Variants in PCDHA9 observed in about 807,000 individuals in gnomAD.
PCDHA9 encodes the protein protocadherin alpha-9.
In PCDHA9, 62 loss-of-function variants were observed where a neutral mutation model predicts 62.0. The ratio of observed to expected loss-of-function variants is 1.00; its 90% CI spans 0.81 to 1.23. PCDHA9 has a LOEUF of 1.23. Among genes scored for constraint, PCDHA9 ranks in the 50% most tolerant of loss-of-function variants. The pLI, the probability that PCDHA9 is intolerant of heterozygous loss-of-function variation, is 0.00. For synonymous variants in PCDHA9, 557 were observed against 567.6 expected (o/e 0.98, Z 0.27); for missense variants, 1,205 against 1,249.8 (o/e 0.96, Z 0.54).
At chr5:140,860,697 ATTG>A (rs1191589465) in intron 1 of PCDHA9, 2 of 152,170 alleles carry the variant, frequency 1.3e-5, no homozygotes, top group African/African-American at 4.8e-5. Context: ...GCGACAGGAT[ATTG>A]TTGTTCTCCA....
At chr5:140,977,306 C>G (rs995052680) in intron 1 of PCDHA9, among the ~76,000 whole-genome samples, 22 of 152,268 alleles carry the variant, frequency 1.4e-4, no homozygotes, top group African/African-American at 4.8e-4. Context: ...GACAAGCTAA[C>G]GATAGTGCTC....
intron 1 of PCDHA9, chr5:140,869,196 C>G (rs2050913789): frequency 6.2e-7 from 1 of 1,614,030 alleles, no homozygotes; most frequent in Non-Finnish European, 8.5e-7. Flanking sequence ...GCGGCCAGCT[C>G]CACTACTCCG....
chr5:140,961,985 G>A (rs782724308), intron 1 of PCDHA9, among the ~76,000 whole-genome samples: 30 of 151,692 alleles, frequency 2.0e-4, no homozygotes, highest in Non-Finnish European at 4.0e-4. Context: ...CTGGGTTCAC[G>A]CCATTGTCCT....
intron 1 of PCDHA9, among the ~76,000 whole-genome samples, chr5:140,904,217 T>C (rs1554191375): frequency 6.6e-6 from 1 of 151,964 alleles, no homozygotes; most frequent in Non-Finnish European, 1.5e-5. Flanking sequence ...CCAAAGTCCA[T>C]TGTATTATAC....
chr5:140,870,764 T>A, intron 1 of PCDHA9: 1 of 1,613,600 alleles, frequency 6.2e-7, no homozygotes, highest in Non-Finnish European at 8.5e-7. Flanking sequence ...CAGGTGTTCG[T>A]GCTGGACGAG....
At chr5:141,009,463 A>C in intron 3 of PCDHA9, 164 bp from the exon 4 acceptor site, 1 of 954,884 alleles carries the variant, frequency 1.0e-6, no homozygotes, top group Non-Finnish European at 1.2e-6. Context: ...AAACAAATAA[A>C]TAAATAAGTA....
At chr5:140,890,066 C>G (rs1217511895) in intron 1 of PCDHA9, among the ~76,000 whole-genome samples, 1 of 152,148 alleles carries the variant, frequency 6.6e-6, no homozygotes, top group Non-Finnish European at 1.5e-5. Context: ...CTTTTACTGG[C>G]TTATGAGAAC....
chr5:140,908,256 A>G (rs192899359), intron 1 of PCDHA9, among the ~76,000 whole-genome samples: 9 of 152,248 alleles, frequency 5.9e-5, no homozygotes, highest in Non-Finnish European at 1.0e-4. Flanking sequence ...AACTGATCAT[A>G]GGGAACTCCC....
chr5:140,942,619 TA>T (rs35075175), intron 1 of PCDHA9, among the ~76,000 whole-genome samples: 84,954 of 148,808 alleles, frequency 0.57, 24,471 homozygotes, highest in African/African-American at 0.7. Context: ...TTGCCAATTG[TA>T]AAAAAAAAAA....
intron 1 of PCDHA9, chr5:140,967,505 G>C (rs782818141): frequency 2.4e-5 from 39 of 1,612,940 alleles, no homozygotes; most frequent in Non-Finnish European, 3.2e-5. Context: ...CTCTGTGCGT[G>C]TCCTGGACAC....
At position 140,876,683 on chromosome 5, in the gene PCDHA9, A is replaced by G. The variant is rs782371303; in HGVS notation, c.2394+25794A>G. ...AAGCTGGTGTCCACCTACAAGAATT[A>G]CTACTCGTTGGTGCTGGACAGCGCC... On this transcript the variant is annotated intron_variant, in intron 1 of 3. Coordinates refer to ENST00000532602, the MANE Select transcript of PCDHA9 (RefSeq NM_031857.2). 5 of 1,614,094 alleles carry G rather than the reference A, an allele frequency of 3.1e-6. No homozygotes were observed. In the South Asian group the frequency reaches 5.5e-5, roughly 18 times the overall value.
At chr5:140,906,257 C>A (rs1394766953) in intron 1 of PCDHA9, among the ~76,000 whole-genome samples, 2 of 152,168 alleles carry the variant, frequency 1.3e-5, no homozygotes, top group Non-Finnish European at 2.9e-5. Flanking sequence ...ATACACACCT[C>A]CTGAAATTAT....
At chr5:140,853,548 C>T in intron 1 of PCDHA9, 1 of 978,800 alleles carries the variant, frequency 1.0e-6, no homozygotes. Flanking sequence ...GTTGTAATTA[C>T]TATATAGGAA....
At chr5:140,921,616 A>C (rs1369093554) in intron 1 of PCDHA9, among the ~76,000 whole-genome samples, 1 of 152,222 alleles carries the variant, frequency 6.6e-6, no homozygotes, top group African/African-American at 2.4e-5. Flanking sequence ...GAAAAATATC[A>C]TCAGATCATC....
chr5:140,860,413 C>T (rs2046383451), intron 1 of PCDHA9: 1 of 152,018 alleles, frequency 6.6e-6, no homozygotes, highest in African/African-American at 2.4e-5. Context: ...AATAGTAACA[C>T]CATTATCCTG....
intron 1 of PCDHA9, chr5:140,877,422 G>T (rs781813282): frequency 6.2e-7 from 1 of 1,613,902 alleles, no homozygotes; most frequent in Non-Finnish European, 8.5e-7. Flanking sequence ...TGCTGGTGCT[G>T]GTGAAGGACC....
chr5:140,869,157 TCTC>T (rs1201897612), intron 1 of PCDHA9: 2 of 1,613,798 alleles, frequency 1.2e-6, no homozygotes, highest in South Asian at 1.1e-5. Context: ...AGCTCTGGCT[TCTC>T]CTCCTCGAAT....
intron 1 of PCDHA9, chr5:140,864,365 A>G (rs2048439709): frequency 6.6e-6 from 1 of 152,220 alleles, no homozygotes; most frequent in Non-Finnish European, 1.5e-5. Flanking sequence ...TTATCTTTCT[A>G]TAATCGATAA....
intron 3 of PCDHA9, among the ~76,000 whole-genome samples, chr5:141,002,021 C>T (rs1177146388): frequency 6.6e-6 from 1 of 152,184 alleles, no homozygotes; most frequent in Non-Finnish European, 1.5e-5. Context: ...GCACAGCCTT[C>T]GGTGCCCTGA....
Sources: gnomAD v4.1 joint callset for allele counts (sites outside exome capture counted in the v4.1 genomes callset) on GRCh38, gnomAD v4.1.1 for gene constraint, MANE v1.5 for transcripts, NCBI Gene and HGNC (gene_info 2026-07-23, HGNC 2026-07-21) for gene names.